The following APBA1 variants were observed in gnomAD, a reference collection of about 807,000 sequenced individuals.
APBA1 encodes amyloid beta precursor protein binding family A member 1, also known as amyloid-beta A4 precursor protein-binding family A member 1.
A neutral mutation model predicts 86.6 loss-of-function variants in APBA1; 55 were observed. That is an observed-to-expected ratio of 0.64 (90% CI 0.51 to 0.80). The LOEUF (loss-of-function observed/expected upper bound fraction) is 0.80. Ranked by LOEUF, APBA1 falls within the 30% of genes least tolerant of loss-of-function variation. The pLI is 0.00. For missense variants in APBA1, 1,090 were observed against 1,183.0 expected, an observed-to-expected ratio of 0.92 and a Z score of 1.15; for synonymous variants, 511 against 493.9, an observed-to-expected ratio of 1.03 and a Z score of -0.46.
At chr9:69,528,573 C>T (rs1001472854) in intron 1 of APBA1, among the ~76,000 whole-genome samples, 14 of 152,084 alleles carry the variant, frequency 9.2e-5, no homozygotes, top group African/African-American at 3.1e-4. Context: ...AAAATACCTA[C>T]ATAATTCATA....
At chr9:69,540,432 G>A (rs766071262) in intron 1 of APBA1, among the ~76,000 whole-genome samples, 3 of 152,062 alleles carry the variant, frequency 2.0e-5, no homozygotes, top group Non-Finnish European at 4.4e-5. Flanking sequence ...ATAGAGTACA[G>A]TATTGCTAAG....
At chr9:69,459,368 T>G (rs1237369429) in intron 5 of APBA1, among the ~76,000 whole-genome samples, 1 of 152,360 alleles carries the variant, frequency 6.6e-6, no homozygotes, top group East Asian at 1.9e-4. Context: ...TAATCTCTTG[T>G]TCCATCATTT....
chr9:69,661,571 G>A (rs1033458071), intron 1 of APBA1, among the ~76,000 whole-genome samples: 1 of 151,160 alleles, frequency 6.6e-6, no homozygotes, highest in Non-Finnish European at 1.5e-5. Context: ...ATGGAGAGAT[G>A]TCGGTGCAAC....
chr9:69,650,451 C>T (rs6559671), intron 1 of APBA1, among the ~76,000 whole-genome samples: 103,734 of 152,134 alleles, frequency 0.68, 36,870 homozygotes, highest in East Asian at 0.97. Context: ...AAAATTAAAA[C>T]GTGTACTGTC....
intron 10 of APBA1, 81 bp downstream of exon 10, chr9:69,449,503 T>C (rs556548354): frequency 1.1e-4 from 135 of 1,275,880 alleles, no homozygotes; most frequent in Admixed American, 5.2e-5. Flanking sequence ...TATGTTCATA[T>C]ACATTAATGA....
chr9:69,483,144 C>A (rs985043786), intron 2 of APBA1, among the ~76,000 whole-genome samples: 1 of 124,696 alleles, frequency 8.0e-6, no homozygotes. Context: ...GTCAAAAAAA[C>A]AAAAAAACGA....
chr9:69,456,117 T>C, intron 8 of APBA1, 130 bp downstream of exon 8: 1 of 1,057,602 alleles, frequency 9.5e-7, no homozygotes, highest in South Asian at 1.4e-5. Flanking sequence ...TCTCTAGTGC[T>C]GGAACAGTGC....
At chr9:69,664,001 T>C (rs919705060) in intron 1 of APBA1, among the ~76,000 whole-genome samples, 3 of 152,228 alleles carry the variant, frequency 2.0e-5, no homozygotes, top group African/African-American at 7.2e-5. Context: ...AATTCACTAA[T>C]GCTGGATGTG....
intron 11 of APBA1, among the ~76,000 whole-genome samples, chr9:69,439,461 G>GAACAA (rs2133790775): frequency 6.6e-6 from 1 of 152,178 alleles, no homozygotes. Context: ...ATATTTCTTG[G>GAACAA]AGGCTTTGTT....
intron 2 of APBA1, among the ~76,000 whole-genome samples, chr9:69,493,827 C>T (rs535307481): frequency 3.3e-5 from 5 of 152,218 alleles, no homozygotes; most frequent in African/African-American, 1.2e-4. Context: ...GTCCACTGTC[C>T]TCAAATAGCT....
At chr9:69,533,566 T>C (rs1488109902) in intron 1 of APBA1, among the ~76,000 whole-genome samples, 2 of 152,192 alleles carry the variant, frequency 1.3e-5, no homozygotes, top group East Asian at 1.9e-4. Flanking sequence ...TCAGGTTTCT[T>C]GCTGCCATGT....
chr9:69,638,131 T>C (rs1036323092), intron 1 of APBA1, among the ~76,000 whole-genome samples: 11 of 152,256 alleles, frequency 7.2e-5, no homozygotes, highest in Admixed American at 6.5e-5. Flanking sequence ...TCAAGAGATA[T>C]GTTGCTAAAG....
intron 1 of APBA1, among the ~76,000 whole-genome samples, chr9:69,566,996 A>C (rs552493606): frequency 1.3e-4 from 20 of 152,350 alleles, no homozygotes; most frequent in African/African-American, 4.8e-4. Flanking sequence ...TTAGATGTGC[A>C]ACAAATATTT....
intron 1 of APBA1, among the ~76,000 whole-genome samples, chr9:69,604,497 CAT>C (rs1822425444): frequency 7.5e-6 from 1 of 132,576 alleles, no homozygotes; most frequent in African/African-American, 2.9e-5. Context: ...TGGAGAGGCA[CAT>C]GAGTGTGGGC....
chr9:69,662,650 T>C (rs995000201), intron 1 of APBA1, among the ~76,000 whole-genome samples: 3 of 152,206 alleles, frequency 2.0e-5, no homozygotes, highest in Admixed American at 2.0e-4. Flanking sequence ...TTTTCACATC[T>C]GGGAAGAAAT....
At chr9:69,640,071 A>G (rs1390074539) in intron 1 of APBA1, among the ~76,000 whole-genome samples, 4 of 152,128 alleles carry the variant, frequency 2.6e-5, no homozygotes, top group African/African-American at 9.7e-5. Context: ...TTTTTTCCTC[A>G]ACAAATAAAT....
intron 1 of APBA1, among the ~76,000 whole-genome samples, chr9:69,522,404 T>C (rs977554149): frequency 6.6e-5 from 10 of 151,984 alleles, no homozygotes; most frequent in Admixed American, 5.2e-4. Context: ...AAATCTTTGC[T>C]GCCCTTATTC....
chr9:69,442,654 G>A (rs182672519), intron 10 of APBA1, among the ~76,000 whole-genome samples: 7 of 152,200 alleles, frequency 4.6e-5, no homozygotes, highest in Admixed American at 3.9e-4. Flanking sequence ...AGTGGAAAGA[G>A]GACCTGTAAA....
intron 1 of APBA1, among the ~76,000 whole-genome samples, chr9:69,660,096 C>T (rs1437155199): frequency 6.6e-6 from 1 of 152,140 alleles, no homozygotes; most frequent in Non-Finnish European, 1.5e-5. Context: ...AACAGCCCTG[C>T]CATAATTCCA....
Sources: gnomAD v4.1 joint callset for allele counts (sites outside exome capture counted in the v4.1 genomes callset) on GRCh38, gnomAD v4.1.1 for gene constraint, MANE v1.5 for transcripts, NCBI Gene and HGNC (gene_info 2026-07-23, HGNC 2026-07-21) for gene names.